Variants in CAPN8 observed in about 807,000 individuals in gnomAD.
CAPN8 encodes the protein calpain-8.
In CAPN8, 87 loss-of-function variants were observed where a neutral mutation model predicts 80.9. The observed-to-expected ratio is 1.07, with a 90% CI of 0.90 to 1.28. CAPN8 has a LOEUF of 1.28. CAPN8 is among the 50% of genes most tolerant of loss of function. CAPN8 has a pLI of 0.00. For synonymous variants in CAPN8, 299 were observed against 273.8 expected, an observed-to-expected ratio of 1.09 and a Z score of -0.91; for missense variants, 757 against 702.0, an observed-to-expected ratio of 1.08 and a Z score of -0.89.
chr1:223,609,769 G>A (rs1656987034), intron 11 of CAPN8, among the ~76,000 whole-genome samples: 2 of 152,202 alleles, frequency 1.3e-5, no homozygotes, highest in Non-Finnish European at 2.9e-5. Context: ...GGAGAAAAGA[G>A]CTTAAATCCT....
chr1:223,626,843 G>A, intron 5 of CAPN8, 146 bp downstream of exon 5: 1 of 768,888 alleles, frequency 1.3e-6, no homozygotes, highest in Middle Eastern at 3.8e-4. Context: ...TCAGGCCTTT[G>A]TGTCACTAGA....
intron 13 of CAPN8, among the ~76,000 whole-genome samples, chr1:223,557,339 G>T (rs1382574652): frequency 6.3e-5 from 1 of 15,990 alleles, no homozygotes; most frequent in Non-Finnish European, 1.4e-4. Context: ...ACGCCCAGCA[G>T]CTGGGAGCAC....
At chr1:223,630,398 G>A (rs189114359) in intron 2 of CAPN8, among the ~76,000 whole-genome samples, 41 of 151,864 alleles carry the variant, frequency 2.7e-4, no homozygotes, top group Non-Finnish European at 4.0e-4. Context: ...GTACAGTAGC[G>A]CCATCATGGC....
rs900946933 is a variant in CAPN8 at position 223,619,364 on chromosome 1, T to C, written c.1064A>G (p.Lys355Arg). The change falls in exon 9 of 21, where the codon AAA (lysine) becomes AGA (arginine). Residue 355 changes from lysine to arginine, a missense_variant. Lys to Arg is a conservative substitution (Grantham distance 26, BLOSUM62 2). Coordinates refer to ENST00000366872, the MANE Select transcript of CAPN8 (RefSeq NM_001143962.2). ...GCCGTTGAACAGGACCAGGTTCCAT[T>C]TGTGCACCTCCTCGCTACTCAGAGA... Reference protein sequence around the residue: ...PDSLSSEEVHKWNLVLFNGHW... With the variant: ...PDSLSSEEVHRWNLVLFNGHW... 6 of 1,551,482 alleles carry C rather than the reference T, an allele frequency of 3.9e-6. No homozygotes were observed. Among genetic ancestry groups the C allele is most frequent in the Middle Eastern group, 1.7e-4 (1 of 6,014 alleles).
intron 19 of CAPN8, among the ~76,000 whole-genome samples, chr1:223,543,746 A>G (rs1656536753): frequency 1.3e-5 from 2 of 152,218 alleles, no homozygotes; most frequent in African/African-American, 4.8e-5. Flanking sequence ...ACTAAACACC[A>G]TCTAAGAACA....
intron 3 of CAPN8, 58 bp downstream of exon 3, chr1:223,628,604 G>T: frequency 2.2e-6 from 3 of 1,336,718 alleles, no homozygotes; most frequent in Non-Finnish European, 3.1e-6. Flanking sequence ...CAGTGGACCT[G>T]CAGTGAGCCC....
chr1:223,554,617 T>C (rs1656865488), intron 13 of CAPN8, among the ~76,000 whole-genome samples: 1 of 152,034 alleles, frequency 6.6e-6, no homozygotes, highest in African/African-American at 2.4e-5. Flanking sequence ...TTAGCTTTCA[T>C]CAGATTCACG....
chr1:223,542,966 G>T, intron 20 of CAPN8, 142 bp downstream of exon 20: 1 of 800,656 alleles, frequency 1.2e-6, no homozygotes, highest in Non-Finnish European at 2.0e-6. Context: ...CTTCCTCCCT[G>T]CTGGGTGCCT....
chr1:223,625,845 A>T lies in CAPN8; in HGVS notation c.773T>A (p.Leu258Gln). The change falls in exon 6 of 21, where the codon CTG (leucine) becomes CAG (glutamine). Residue 258 changes from leucine (L) to glutamine (Q), a missense_variant. Physicochemically the swap from Leu to Gln is moderately radical, Grantham distance 113. Transcript: ENST00000366872. ...GACAGAGTACGCATGACTCTTAACC[A>T]GCTTCTGGCTGGTGATGGCTTCGGC... ...AEAEAITSQK[L>Q]VKSHAYSVTG... 1.9e-6 allele frequency: 3 copies of T among 1,551,590 alleles called. No homozygotes were observed. Among genetic ancestry groups the T allele is most frequent in the Non-Finnish European group, 2.6e-6 (3 of 1,146,840 alleles).
intron 2 of CAPN8, among the ~76,000 whole-genome samples, chr1:223,644,633 G>T (rs1571731243): frequency 6.6e-6 from 1 of 152,188 alleles, no homozygotes; most frequent in Non-Finnish European, 1.5e-5. Flanking sequence ...CCAGAGCAGG[G>T]TGAGGGGAGT....
At chr1:223,620,304 G>A in intron 7 of CAPN8, 38 bp from the exon 8 acceptor site, 2 of 1,532,696 alleles carry the variant, frequency 1.3e-6, no homozygotes, top group Non-Finnish European at 1.8e-6. Context: ...GCTCCTGAGA[G>A]GTTCTACAAG....
intron 2 of CAPN8, among the ~76,000 whole-genome samples, chr1:223,638,565 G>T (rs912038737): frequency 2.0e-5 from 3 of 152,104 alleles, no homozygotes; most frequent in African/African-American, 7.2e-5. Context: ...ATAAGCAACT[G>T]CTTCTTTGCT....
rs1213439174 is a variant in CAPN8 at position 223,626,972 on chromosome 1, G to T, written c.729+17C>A. ...CGGTGGGGGGAGGTGGGGCAGTAGA[G>T]AAGCCATATGCCTCACATCAATGGA... On this transcript the variant is annotated intron_variant, in intron 5 of 20. Coordinates refer to ENST00000366872, the MANE Select transcript of CAPN8 (RefSeq NM_001143962.2). The T allele has an allele frequency of 6.5e-7, 1 of 1,547,402 alleles. No homozygotes were observed. The highest frequency in any genetic ancestry group is 2.0e-5 in the Admixed American group (1 of 50,928).
chr1:223,663,610 G>T (rs756171423), intron 1 of CAPN8, among the ~76,000 whole-genome samples: 1 of 152,124 alleles, frequency 6.6e-6, no homozygotes, highest in Non-Finnish European at 1.5e-5. Context: ...CAAAATGGAA[G>T]CTCAAAAAAA....
Position 223,665,677 on chromosome 1 carries a change from G to T in CAPN8, c.-31C>A, listed in dbSNP as rs765211013. 1.1e-5 allele frequency: 16 copies of T among 1,519,546 alleles called. No individual in the cohort carries two copies. In the South Asian group the frequency reaches 1.9e-4, roughly 18 times the overall value. The allele number at this position is 1,519,546 out of a possible 1,614,324, so 94.1% of individuals were successfully genotyped here. ...TGGGCTCTGTAGGGTGGACAGAAGG[G>T]CAGGGCTGCACTGTACTCTCAGACA... On this transcript the variant is annotated 5_prime_UTR_variant, in exon 1 of 21. Coordinates refer to ENST00000366872, the MANE Select transcript of CAPN8 (RefSeq NM_001143962.2).
Position 223,625,739 on chromosome 1 carries a change from C to A in CAPN8, c.813+66G>T, listed in dbSNP as rs143992138. On this transcript the variant is annotated intron_variant, in intron 6 of 20. Transcript: ENST00000366872. ...GTAGTAATCACCTCTTTCCTCCTGTCGAGATGGCTTGGATTCATGGAAATA... is the reference window on the plus strand; with the variant it reads ...GTAGTAATCACCTCTTTCCTCCTGTAGAGATGGCTTGGATTCATGGAAATA... 60 of 1,399,044 alleles carry A rather than the reference C, an allele frequency of 4.3e-5. No homozygotes were observed. The African/African-American group carries it at 7.7e-4, about 18-fold the overall frequency. 86.7% of individuals were successfully genotyped at this position (1,399,044 alleles called of 1,614,324 possible).
chr1:223,542,466 A>G (rs1282465846), intron 20 of CAPN8, among the ~76,000 whole-genome samples: 1 of 152,164 alleles, frequency 6.6e-6, no homozygotes, highest in East Asian at 1.9e-4. Flanking sequence ...AGAAGAAAAG[A>G]AAGTGGGTAA....
intron 6 of CAPN8, among the ~76,000 whole-genome samples, chr1:223,624,170 G>A (rs543941111): frequency 1.1e-4 from 17 of 152,196 alleles, no homozygotes; most frequent in Non-Finnish European, 1.9e-4. Flanking sequence ...GCGCCTGCCC[G>A]GGCTCAAGCG....
At chr1:223,558,557 G>A (rs1656955755) in intron 12 of CAPN8, among the ~76,000 whole-genome samples, 1 of 152,148 alleles carries the variant, frequency 6.6e-6, no homozygotes, top group Non-Finnish European at 1.5e-5. Flanking sequence ...CCTTGCAGGT[G>A]TGCATAGATG....
Sources: allele counts gnomAD v4.1 joint callset (sites outside exome capture counted in the v4.1 genomes callset), GRCh38; gene constraint gnomAD v4.1.1; transcripts MANE v1.5; gene names NCBI Gene and HGNC (gene_info 2026-07-23, HGNC 2026-07-21).